The following MBD3 variants were observed in gnomAD, a reference collection of about 807,000 sequenced individuals.
MBD3 encodes methyl-CpG binding domain protein 3.
In MBD3, 13 loss-of-function variants were observed where a neutral mutation model predicts 31.2. The observed-to-expected ratio is 0.42, with a 90% CI of 0.27 to 0.66. The LOEUF is 0.66. Among genes scored for constraint, MBD3 ranks in the 30% least tolerant of loss-of-function variants. MBD3 has a pLI of 0.26. For synonymous variants in MBD3, 223 were observed against 187.4 expected (o/e 1.19, Z -1.55); for missense variants, 440 against 426.5 (o/e 1.03, Z -0.28).
intron 1 of MBD3, among the ~76,000 whole-genome samples, chr19:1,591,452 G>A (rs991715080): frequency 1.3e-5 from 2 of 152,216 alleles, no homozygotes; most frequent in Non-Finnish European, 2.9e-5. Flanking sequence ...GGACGGAGCG[G>A]TCGTTCTGCC....
At chr19:1,586,124 T>C (rs2060678039) in intron 1 of MBD3, 1 of 152,180 alleles carries the variant, frequency 6.6e-6, no homozygotes, top group East Asian at 1.9e-4. Context: ...TCACTGAGTT[T>C]CCAGATGACC....
Position 1,588,779 on chromosome 19 carries a change from C to CAAAAAA in MBD3, c.111-3571_111-3566dup, listed in dbSNP as rs750933978. On this transcript the variant is annotated intron_variant, in intron 1 of 6. Coordinates refer to ENST00000434436, the MANE Select transcript of MBD3 (RefSeq NM_001281453.2). ...GGGCGACAGAGCAAGACTGTGTCTC[C>CAAAAAA]AAAAAAAAAAAAAAAAAAAAAAGGT... 2.8e-3 allele frequency among the ~76,000 whole-genome samples: 154 copies of CAAAAAA among 54,948 alleles called. 2 individuals are homozygous for CAAAAAA. The highest frequency in any genetic ancestry group is 0.011 in the African/African-American group (148 of 13,300). 36.0% of individuals were successfully genotyped at this position (54,948 alleles called of 152,430 possible).
intron 2 of MBD3, 61 bp downstream of exon 2, chr19:1,584,994 T>C (rs1426379637): frequency 1.3e-5 from 21 of 1,595,538 alleles, no homozygotes; most frequent in African/African-American, 4.0e-5. Flanking sequence ...GCTCACGTCA[T>C]GGCCGCGTCC....
At chr19:1,587,876 G>T (rs967218488) in intron 1 of MBD3, among the ~76,000 whole-genome samples, 10 of 134,634 alleles carry the variant, frequency 7.4e-5, no homozygotes, top group African/African-American at 2.5e-4. Context: ...CTGTTTTCCC[G>T]TTTTCCCAGA....
At chr19:1,592,393 G>GACGCACGCACGCACGCACGACGCACGC (rs1420268160) in intron 1 of MBD3, 129 bp downstream of exon 1, 1 of 221,990 alleles carries the variant, frequency 4.5e-6, no homozygotes, top group Non-Finnish European at 8.4e-6. Flanking sequence ...ACGCACGCAA[G>GACGCACGCACGCACGCACGACGCACGC]ACGCACGCAC....
intron 5 of MBD3, among the ~76,000 whole-genome samples, chr19:1,579,189 A>G (rs1291305874): frequency 4.6e-4 from 68 of 146,682 alleles, no homozygotes; most frequent in Non-Finnish European, 8.2e-4. Flanking sequence ...GCCAAAAAAA[A>G]AAAAAAAAAA....
intron 1 of MBD3, among the ~76,000 whole-genome samples, chr19:1,587,710 G>A (rs898580352): frequency 6.6e-6 from 1 of 152,164 alleles, no homozygotes; most frequent in Non-Finnish European, 1.5e-5. Context: ...ATGCCTGGCT[G>A]GTGTCTTTTA....
intron 3 of MBD3, 114 bp from the exon 4 acceptor site, chr19:1,582,826 T>A: frequency 1.2e-6 from 1 of 853,128 alleles, no homozygotes; most frequent in East Asian, 2.7e-5. Flanking sequence ...TGGGTCCCAA[T>A]GGGGCATCTC....
chr19:1,585,544 A>T lies in MBD3; in HGVS notation c.111-330T>A. On this transcript the variant is annotated intron_variant, in intron 1 of 6. Coordinates refer to ENST00000434436, the MANE Select transcript of MBD3 (RefSeq NM_001281453.2). The surrounding 1 kb of genome is among the most constrained non-coding windows in gnomAD (Gnocchi z 4.1). ...CATCGGATCCTTGCTCCAGACCCCC[A>T]ACCCCGGTCCCCTCTGAATCCTCCC... The T allele has an allele frequency of 2.8e-6, 1 of 353,792 alleles. No individual in the cohort carries two copies. The highest frequency in any genetic ancestry group is 5.4e-6 in the Non-Finnish European group (1 of 186,532). The allele number at this position is 353,792 out of a possible 1,614,324, so 21.9% of individuals were successfully genotyped here. A position where few individuals can be genotyped will look rare whatever the true frequency, so the allele number is the denominator to read the frequency against.
At chr19:1,580,944 A>G (rs961629521) in intron 5 of MBD3, 148 bp downstream of exon 5, 45 of 1,018,888 alleles carry the variant, frequency 4.4e-5, no homozygotes, top group Non-Finnish European at 6.0e-5. Flanking sequence ...TGCTCCGACG[A>G]TGGGTCCCCT....
Position 1,577,364 on chromosome 19 carries a change from C to A in MBD3, c.*800G>T, listed in dbSNP as rs1203992380. ...CACCCTGTCCCAGTGGCTCCTGGCA[C>A]CCCTGGGAGCGTCAGCACCACCCCA... On this transcript the variant is annotated 3_prime_UTR_variant, in exon 7 of 7. Transcript: ENST00000434436. The A allele has an allele frequency of 6.6e-6, 1 of 152,364 alleles. No homozygotes were observed. Among genetic ancestry groups the A allele is most frequent in the Non-Finnish European group, 1.5e-5 (1 of 68,044 alleles). 9.4% of individuals were successfully genotyped at this position (152,364 alleles called of 1,614,324 possible).
chr19:1,578,657 C>CA lies in MBD3; in HGVS notation c.678-120dup, dbSNP rs1917274479. Reference sequence around the variant, plus strand: ...CCCGAGGGATCCACAGGCACCCCCCCAGGACCAGCCCTGGCCCGTGCCACC... The same window carrying CA: ...CCCGAGGGATCCACAGGCACCCCCCCAAGGACCAGCCCTGGCCCGTGCCACC... On this transcript the variant is annotated intron_variant, in intron 5 of 6. Coordinates refer to ENST00000434436, the MANE Select transcript of MBD3 (RefSeq NM_001281453.2). The surrounding 1 kb of genome is among the most constrained non-coding windows in gnomAD (Gnocchi z 6.1). The CA allele has an allele frequency of 6.3e-7, 1 of 1,585,656 alleles. No individual in the cohort carries two copies. Among genetic ancestry groups the CA allele is most frequent in the African/African-American group, 1.3e-5 (1 of 74,686 alleles).
intron 1 of MBD3, chr19:1,586,392 T>C (rs1359049082): frequency 1.3e-5 from 2 of 152,264 alleles, no homozygotes; most frequent in African/African-American, 4.8e-5. Context: ...CCACACAGTG[T>C]GTGATCCCAT....
rs2060676390 is a variant in MBD3 at position 1,585,749 on chromosome 19, A to G, written c.111-535T>C. ...CCCACGGAGAACAGGTATGTGAGGG[A>G]CAGCCCTAAAAGCAATCTTCTTCCA... On this transcript the variant is annotated intron_variant, in intron 1 of 6. Transcript: ENST00000434436. This position sits in a 1 kb window ranked among gnomAD's most constrained non-coding sequence, Gnocchi z 4.1. 6.6e-6 allele frequency among the ~76,000 whole-genome samples: 1 copy of G among 152,236 alleles called. No homozygotes were observed. The highest frequency in any genetic ancestry group is 2.4e-5 in the African/African-American group (1 of 41,460).
intron 1 of MBD3, among the ~76,000 whole-genome samples, chr19:1,586,647 G>A (rs1257935262): frequency 1.3e-5 from 2 of 150,470 alleles, no homozygotes; most frequent in East Asian, 2.0e-4. Context: ...TAGCTAGGAC[G>A]ACAGGCACAA....
In MBD3 at chr19:1,582,604, C is replaced by G. The variant is rs1208756313; in HGVS notation, c.499+18G>C. On this transcript the variant is annotated intron_variant, in intron 4 of 6. Transcript: ENST00000434436. ...CCCGGCACATCCCCTTCCGCCTCCC[C>G]TCAGGGTGCCCGCTCACCCTGCAGG... is the stretch of plus-strand genomic sequence containing the variant. The G allele has an allele frequency of 1.2e-6, 2 of 1,611,646 alleles. No individual in the cohort carries two copies. Among genetic ancestry groups the G allele is most frequent in the East Asian group, 2.2e-5 (1 of 44,858 alleles).
chr19:1,584,659 T>A lies in MBD3; in HGVS notation c.289A>T (p.Thr97Ser). ...NQVKGKPDLNTALPVRQTASI... is the reference protein window; with the variant it reads ...NQVKGKPDLNSALPVRQTASI... ...GCCGTCTGGCGCACGGGCAGCGCCG[T>A]GTTCAGGTCGGGCTTGCCCTGCGGG... The change falls in exon 3 of 7, where the codon ACG (threonine) becomes TCG (serine). Residue 97 changes from threonine to serine, a missense_variant. Transcript: ENST00000434436. 7 of 1,612,962 alleles carry A rather than the reference T, an allele frequency of 4.3e-6. No homozygotes were observed. Among genetic ancestry groups the A allele is most frequent in the Non-Finnish European group, 5.9e-6 (7 of 1,179,788 alleles).
In MBD3 at chr19:1,575,387, C is replaced by T. The variant is rs1196164195; in HGVS notation, c.*2777G>A. On this transcript the variant is annotated 3_prime_UTR_variant, in exon 7 of 7. Transcript: ENST00000434436. The stretch of plus-strand genomic sequence containing the variant: ...TGCACTCCAGCCTGTGCAACAAGAG[C>T]GAAAGAAGAGCGAAACTCTTGTCTA... 1.8e-5 allele frequency: 6 copies of T among 331,962 alleles called. No individual in the cohort carries two copies. The highest frequency in any genetic ancestry group is 3.1e-5 in the Non-Finnish European group (5 of 163,180). The allele number at this position is 331,962 out of a possible 1,614,324, so 20.6% of individuals were successfully genotyped here.
chr19:1,590,941 C>A (rs933475608), intron 1 of MBD3, among the ~76,000 whole-genome samples: 1 of 152,240 alleles, frequency 6.6e-6, no homozygotes, highest in African/African-American at 2.4e-5. Flanking sequence ...AGAGGAGCTT[C>A]TCCCTGCTTT....
Sources: allele counts gnomAD v4.1 joint callset (sites outside exome capture counted in the v4.1 genomes callset), GRCh38; gene constraint gnomAD v4.1.1; non-coding constraint Gnocchi (gnomAD v3.1); transcripts MANE v1.5; gene names NCBI Gene and HGNC (gene_info 2026-07-23, HGNC 2026-07-21).